The following KAZN variants were observed in gnomAD, a reference collection of about 807,000 sequenced individuals.
The protein encoded by KAZN is kazrin.
KAZN carries 40 observed loss-of-function variants against 87.4 expected under a neutral mutation model. That is an observed-to-expected ratio of 0.46 (90% CI 0.36 to 0.60). The LOEUF (loss-of-function observed/expected upper bound fraction) is 0.60, where lower values mean the gene tolerates loss of function less well. KAZN is among the 20% of genes least tolerant of loss of function. The pLI, the probability that KAZN is intolerant of heterozygous loss-of-function variation, is 0.00. For synonymous variants in KAZN, 466 were observed against 458.3 expected (o/e 1.02, Z -0.22); for missense variants, 898 against 1,073.9 (o/e 0.84, Z 2.29).
intron 2 of KAZN, among the ~76,000 whole-genome samples, chr1:14,196,573 G>A (rs370820212): frequency 6.6e-6 from 1 of 152,088 alleles, no homozygotes; most frequent in East Asian, 1.9e-4. Context: ...GAATCGAGAA[G>A]GCTGGAGGGA....
rs912113425 is a variant in KAZN at position 14,148,935 on chromosome 1, T to C, written c.92-31500T>C. ...CTTGATTGGATTTTGTTTTGGCTTT[T>C]ATATTTTGGTCTTGTCGGGTAAAGA... On this transcript the variant is annotated intron_variant, in intron 1 of 16. Transcript: ENST00000636203. 2.0e-5 allele frequency among the ~76,000 whole-genome samples: 3 copies of C among 152,258 alleles called. No homozygotes were observed. In the East Asian group the frequency reaches 5.8e-4, roughly 29 times the overall value.
intron 2 of KAZN, among the ~76,000 whole-genome samples, chr1:14,531,879 C>G (rs1170803752): frequency 6.6e-6 from 1 of 152,136 alleles, no homozygotes; most frequent in Non-Finnish European, 1.5e-5. Flanking sequence ...TTTTCAAACT[C>G]TGCTCACTGA....
chr1:14,868,821 A>G (rs1480939127), intron 1 of KAZN, among the ~76,000 whole-genome samples: 1 of 152,020 alleles, frequency 6.6e-6, no homozygotes. Context: ...TCCAGCCTGC[A>G]CAACAGAATG....
At chr1:14,131,541 C>T (rs949692312) in intron 1 of KAZN, among the ~76,000 whole-genome samples, 4 of 151,806 alleles carry the variant, frequency 2.6e-5, no homozygotes, top group African/African-American at 9.7e-5. Context: ...GCTTGGATCT[C>T]TTCAATTATG....
chr1:15,030,814 T>G (rs1438148730), intron 2 of KAZN, among the ~76,000 whole-genome samples: 2 of 152,192 alleles, frequency 1.3e-5, no homozygotes, highest in Non-Finnish European at 2.9e-5. Context: ...CCTAAGCTGC[T>G]GCTCAGCCAA....
chr1:15,040,529 G>A (rs570567309), intron 3 of KAZN, among the ~76,000 whole-genome samples: 1 of 152,188 alleles, frequency 6.6e-6, no homozygotes, highest in Non-Finnish European at 1.5e-5. Flanking sequence ...ACTTAGGGAG[G>A]CTGAGGCAGA....
At chr1:14,759,145 G>T (rs758447088) in intron 1 of KAZN, among the ~76,000 whole-genome samples, 2 of 152,156 alleles carry the variant, frequency 1.3e-5, no homozygotes, top group African/African-American at 2.4e-5. Context: ...ATAAAAATCC[G>T]TGGGGGAGGG....
At chr1:14,226,612 C>T (rs905300754) in intron 2 of KAZN, among the ~76,000 whole-genome samples, 6 of 152,116 alleles carry the variant, frequency 3.9e-5, no homozygotes, top group African/African-American at 1.4e-4. Context: ...GAATGTTCAT[C>T]GCAGCACTAT....
At chr1:14,593,135 C>T (rs535974003) in intron 2 of KAZN, among the ~76,000 whole-genome samples, 9 of 152,288 alleles carry the variant, frequency 5.9e-5, no homozygotes, top group Admixed American at 2.0e-4. Context: ...CTCTACCCAA[C>T]GGAGTTGTCG....
chr1:13,969,878 A>G (rs998493963), intron 1 of KAZN, among the ~76,000 whole-genome samples: 15 of 152,330 alleles, frequency 9.8e-5, no homozygotes, highest in African/African-American at 3.6e-4. Flanking sequence ...AGAGACCTAT[A>G]ACAGCTAAAC....
chr1:14,896,179 C>T (rs567819335), intron 1 of KAZN, among the ~76,000 whole-genome samples: 13 of 151,936 alleles, frequency 8.6e-5, no homozygotes, highest in Admixed American at 2.6e-4. Flanking sequence ...CTCAGCCTCC[C>T]GAGTAGCTGG....
chr1:14,398,681 G>C (rs1366953114), intron 2 of KAZN, among the ~76,000 whole-genome samples: 2 of 152,194 alleles, frequency 1.3e-5, no homozygotes, highest in Non-Finnish European at 2.9e-5. Flanking sequence ...AATTCTCTGA[G>C]ATGACTCTTT....
At chr1:14,482,013 G>T (rs1669110669) in intron 2 of KAZN, among the ~76,000 whole-genome samples, 1 of 152,236 alleles carries the variant, frequency 6.6e-6, no homozygotes. Context: ...TAGGGACATG[G>T]TAATGCTTCC....
intron 1 of KAZN, among the ~76,000 whole-genome samples, chr1:14,936,065 A>G (rs577185976): frequency 1.2e-4 from 19 of 152,322 alleles, no homozygotes; most frequent in Non-Finnish European, 2.5e-4. Flanking sequence ...CTCAGCAGAC[A>G]TTGCTTTTCC....
At chr1:14,857,366 AC>A (rs34267491) in intron 1 of KAZN, among the ~76,000 whole-genome samples, 3 of 152,172 alleles carry the variant, frequency 2.0e-5, no homozygotes, top group African/African-American at 7.2e-5. Context: ...ACATAGTGAA[AC>A]CCCATCTCTG....
chr1:14,325,278 A>G (rs1029771263), intron 2 of KAZN, among the ~76,000 whole-genome samples: 7 of 152,208 alleles, frequency 4.6e-5, no homozygotes, highest in Non-Finnish European at 8.8e-5. Flanking sequence ...CCACTGAAGC[A>G]GAGTAGAGTT....
At chr1:14,864,593 G>C (rs1416616174) in intron 1 of KAZN, among the ~76,000 whole-genome samples, 1 of 152,114 alleles carries the variant, frequency 6.6e-6, no homozygotes, top group Admixed American at 6.5e-5. Flanking sequence ...GATGGGCTTT[G>C]CTAAGTGGGT....
chr1:13,898,846 C>T (rs934846715), intron 1 of KAZN, among the ~76,000 whole-genome samples: 2 of 152,200 alleles, frequency 1.3e-5, no homozygotes, highest in African/African-American at 4.8e-5. Flanking sequence ...GCCTTTTAAA[C>T]AATATAGGGG....
At chr1:14,687,576 C>T (rs570682562) in intron 1 of KAZN, among the ~76,000 whole-genome samples, 5 of 152,324 alleles carry the variant, frequency 3.3e-5, no homozygotes, top group African/African-American at 1.2e-4. Flanking sequence ...ATTAGAAGAA[C>T]TTTCCAGGCC....
Sources: gnomAD v4.1 joint callset for allele counts (sites outside exome capture counted in the v4.1 genomes callset) on GRCh38, gnomAD v4.1.1 for gene constraint, MANE v1.5 for transcripts, NCBI Gene and HGNC (gene_info 2026-07-23, HGNC 2026-07-21) for gene names.